Variants in NECAB1 observed in about 807,000 individuals in gnomAD.
NECAB1 encodes N-terminal EF-hand calcium-binding protein 1.
NECAB1 carries 29 observed loss-of-function variants against 57.5 expected under a neutral mutation model. That is an observed-to-expected ratio of 0.50 (90% CI 0.38 to 0.69). The LOEUF (loss-of-function observed/expected upper bound fraction) is 0.69, where lower values mean the gene tolerates loss of function less well. Ranked by LOEUF, NECAB1 falls within the 30% of genes least tolerant of loss-of-function variation. The pLI, the probability that NECAB1 is intolerant of heterozygous loss-of-function variation, is 0.00. For synonymous variants in NECAB1, 142 were observed against 147.7 expected (o/e 0.96, Z 0.28); for missense variants, 372 against 413.8 (o/e 0.90, Z 0.88).
chr8:90,864,073 T>C (rs1037576499), intron 3 of NECAB1, among the ~76,000 whole-genome samples: 1 of 152,146 alleles, frequency 6.6e-6, no homozygotes, highest in Non-Finnish European at 1.5e-5. Flanking sequence ...TTATAGCAAT[T>C]TGATATTGCT....
intron 6 of NECAB1, among the ~76,000 whole-genome samples, chr8:90,918,159 A>G (rs573102804): frequency 2.0e-5 from 3 of 150,848 alleles, no homozygotes; most frequent in Non-Finnish European, 4.4e-5. Flanking sequence ...ACAGGCACAC[A>G]CCACCACGTC....
At chr8:90,843,940 C>G (rs1423848911) in intron 3 of NECAB1, among the ~76,000 whole-genome samples, 1 of 152,184 alleles carries the variant, frequency 6.6e-6, no homozygotes, top group African/African-American at 2.4e-5. Flanking sequence ...GCTTGGAACC[C>G]ATGTCTTCTG....
chr8:90,848,739 C>A (rs533317749), intron 3 of NECAB1, among the ~76,000 whole-genome samples: 2 of 152,138 alleles, frequency 1.3e-5, no homozygotes, highest in Non-Finnish European at 2.9e-5. Context: ...AATCCCAGCA[C>A]TTTGGGAGGC....
chr8:90,854,566 C>T (rs1563506474), intron 3 of NECAB1, among the ~76,000 whole-genome samples: 1 of 152,208 alleles, frequency 6.6e-6, no homozygotes, highest in Non-Finnish European at 1.5e-5. Context: ...AACTGGGAGA[C>T]TTCAATATGT....
Position 90,930,251 on chromosome 8 carries a change from T to G in NECAB1, c.693+1952T>G, listed in dbSNP as rs182845939. On this transcript the variant is annotated intron_variant, in intron 8 of 12. Transcript: ENST00000417640. ...AATGAGTGAGAAGAAAATGGCAGAT[T>G]TGAAACACTTGAAGTGCAATTAACA... Among the ~76,000 whole-genome samples the G allele has an allele frequency of 4.5e-3, 678 of 152,306 alleles. 3 individuals carry two copies. The highest frequency in any genetic ancestry group is 6.3e-3 in the Non-Finnish European group (429 of 68,034).
chr8:90,866,840 T>C (rs896657410), intron 3 of NECAB1, among the ~76,000 whole-genome samples: 7 of 152,184 alleles, frequency 4.6e-5, no homozygotes, highest in Non-Finnish European at 1.0e-4. Flanking sequence ...TGGAAGACAG[T>C]GTGCGATTCC....
chr8:90,933,334 C>A (rs865998768), intron 8 of NECAB1, among the ~76,000 whole-genome samples: 5 of 152,070 alleles, frequency 3.3e-5, no homozygotes, highest in Middle Eastern at 6.4e-3. Context: ...CCCAAATGCC[C>A]GCCAATCAAT....
At chr8:90,826,360 CT>C (rs2129711042) in intron 3 of NECAB1, among the ~76,000 whole-genome samples, 1 of 151,970 alleles carries the variant, frequency 6.6e-6, no homozygotes, top group Admixed American at 6.6e-5. Flanking sequence ...TTGAGCCAGG[CT>C]GCAACGTCTT....
At chr8:90,948,755 T>G (rs1299442943) in intron 10 of NECAB1, among the ~76,000 whole-genome samples, 3 of 152,210 alleles carry the variant, frequency 2.0e-5, no homozygotes, top group Non-Finnish European at 4.4e-5. Flanking sequence ...TCTTCATCAT[T>G]TCTCACCTAT....
chr8:90,826,241 A>G (rs1046866047), intron 3 of NECAB1, among the ~76,000 whole-genome samples: 11 of 151,932 alleles, frequency 7.2e-5, no homozygotes, highest in African/African-American at 2.7e-4. Flanking sequence ...TGAGAGTGAA[A>G]GATGAATCTG....
chr8:90,808,003 AT>A (rs1309081005), intron 2 of NECAB1, among the ~76,000 whole-genome samples: 1 of 144,012 alleles, frequency 6.9e-6, no homozygotes, highest in Non-Finnish European at 1.5e-5. Flanking sequence ...TAAATTTTCT[AT>A]TTTCATAGTA....
intron 3 of NECAB1, among the ~76,000 whole-genome samples, chr8:90,857,144 T>G (rs1812809013): frequency 1.3e-5 from 2 of 152,066 alleles, no homozygotes; most frequent in South Asian, 4.1e-4. Flanking sequence ...TAAAAAGGCT[T>G]TAGAACAGGA....
At chr8:90,908,160 G>A (rs1809740287) in intron 5 of NECAB1, among the ~76,000 whole-genome samples, 1 of 152,162 alleles carries the variant, frequency 6.6e-6, no homozygotes, top group Admixed American at 6.5e-5. Flanking sequence ...CACATATACT[G>A]TTTAGGAACA....
At position 90,863,524 on chromosome 8, in the gene NECAB1, A is replaced by T. The variant is rs529910006; in HGVS notation, c.234-8604A>T. ...AATTTTCTGATGCTTTTGTATACTT[A>T]CAAAAATATGTGCATGAGTTTTCTG... On this transcript the variant is annotated intron_variant, in intron 3 of 12. Transcript: ENST00000417640. 2.0e-5 allele frequency among the ~76,000 whole-genome samples: 3 copies of T among 152,286 alleles called. No homozygotes were observed. The South Asian group carries it at 6.2e-4, about 32-fold the overall frequency.
At chr8:90,886,473 C>T (rs1808993338) in intron 5 of NECAB1, among the ~76,000 whole-genome samples, 1 of 152,044 alleles carries the variant, frequency 6.6e-6, no homozygotes, top group South Asian at 2.1e-4. Context: ...TTCTTGTATA[C>T]TTAGATATAT....
intron 6 of NECAB1, among the ~76,000 whole-genome samples, chr8:90,923,014 T>C (rs552958005): frequency 2.2e-4 from 33 of 152,156 alleles, no homozygotes; most frequent in African/African-American, 7.2e-4. Context: ...CTAGTGGAAA[T>C]TGATTTAGAA....
chr8:90,902,549 A>ATT (rs1809533653), intron 5 of NECAB1, among the ~76,000 whole-genome samples: 1 of 152,236 alleles, frequency 6.6e-6, no homozygotes, highest in African/African-American at 2.4e-5. Flanking sequence ...ACACACATAA[A>ATT]TTATATATAT....
At chr8:90,822,908 G>T (rs1504791) in intron 2 of NECAB1, among the ~76,000 whole-genome samples, 1 of 149,838 alleles carries the variant, frequency 6.7e-6, no homozygotes, top group Admixed American at 6.7e-5. Context: ...TTTCTTTTTC[G>T]CTCTTTAACC....
At chr8:90,800,662 C>T (rs1006863936) in intron 1 of NECAB1, among the ~76,000 whole-genome samples, 30 of 152,072 alleles carry the variant, frequency 2.0e-4, no homozygotes, top group Non-Finnish European at 3.8e-4. Flanking sequence ...ACAATATATC[C>T]AATAACAAAA....
Sources: allele counts gnomAD v4.1 joint callset (sites outside exome capture counted in the v4.1 genomes callset), GRCh38; gene constraint gnomAD v4.1.1; transcripts MANE v1.5; gene names NCBI Gene and HGNC (gene_info 2026-07-23, HGNC 2026-07-21).